Variants in ARIH2 observed in about 807,000 individuals in gnomAD.
ARIH2 encodes the protein E3 ubiquitin-protein ligase ARIH2.
ARIH2 carries 12 observed loss-of-function variants against 79.8 expected under a neutral mutation model. The observed-to-expected ratio is 0.15, with a 90% confidence interval of 0.10 to 0.24. ARIH2 has a LOEUF of 0.24. Ranked by LOEUF, ARIH2 falls within the 10% of genes least tolerant of loss-of-function variation. The pLI is 1.00. For missense variants in ARIH2, 301 were observed against 618.3 expected, an observed-to-expected ratio of 0.49 and a Z score of 5.44; for synonymous variants, 224 against 213.9, an observed-to-expected ratio of 1.05 and a Z score of -0.41.
chr3:48,919,286 T>G, intron 1 of ARIH2: 1 of 1,075,958 alleles, frequency 9.3e-7, no homozygotes, highest in Non-Finnish European at 1.2e-6. Context: ...TCTCCCTGTC[T>G]GGCGCGGCGG....
At chr3:48,931,192 A>G (rs541147273) in intron 3 of ARIH2, among the ~76,000 whole-genome samples, 2 of 152,248 alleles carry the variant, frequency 1.3e-5, no homozygotes, top group East Asian at 3.9e-4. Flanking sequence ...GTTCCAAGCT[A>G]TCCTCCCATC....
Position 48,961,672 on chromosome 3 carries a change from T to C in ARIH2, c.316T>C (p.Leu106=), listed in dbSNP as rs778339677. 4 of 1,605,822 alleles carry C rather than the reference T, an allele frequency of 2.5e-6. No individual in the cohort carries two copies. The South Asian group carries it at 4.4e-5, about 18-fold the overall frequency. Residue 106 remains leucine (L), a synonymous_variant, in exon 4 of 16, where the codon TTG becomes CTG. Coordinates refer to ENST00000356401, the MANE Select transcript of ARIH2 (RefSeq NM_006321.4). ...VNFHWQVSEI[L]DRYKSNSAQL... ...TTTCCACTGGCAAGTTTCAGAGATA[T>C]TGGACAGGTAAGGTATTTGGGGGAG... is the stretch of plus-strand genomic sequence containing the variant.
chr3:48,940,413 G>T (rs1185984285), intron 3 of ARIH2, among the ~76,000 whole-genome samples: 1 of 151,974 alleles, frequency 6.6e-6, no homozygotes, highest in Non-Finnish European at 1.5e-5. Context: ...GCACAAGTGA[G>T]CCAAGTCTGG....
At chr3:48,939,004 G>A (rs1003665829) in intron 3 of ARIH2, among the ~76,000 whole-genome samples, 3 of 148,670 alleles carry the variant, frequency 2.0e-5, no homozygotes, top group Admixed American at 1.4e-4. Flanking sequence ...AGTGTTGCTC[G>A]TCCCCCAGGC....
intron 4 of ARIH2, among the ~76,000 whole-genome samples, chr3:48,962,039 A>G (rs575925962): frequency 1.4e-4 from 21 of 152,280 alleles, no homozygotes; most frequent in African/African-American, 5.1e-4. Context: ...GGATACGTCA[A>G]CTTGAGGATT....
intron 3 of ARIH2, among the ~76,000 whole-genome samples, chr3:48,933,426 G>A (rs918660309): frequency 1.3e-5 from 2 of 151,832 alleles, no homozygotes; most frequent in Non-Finnish European, 2.9e-5. Flanking sequence ...GCCTCCCAAA[G>A]TGCTGGGGTT....
At chr3:48,964,869 A>G (rs763784275) in intron 4 of ARIH2, 50 bp from the exon 5 acceptor site, 1 of 1,476,970 alleles carries the variant, frequency 6.8e-7, no homozygotes, top group Non-Finnish European at 9.5e-7. Flanking sequence ...TTCAGGGGTA[A>G]AAATGTCTTT....
intron 3 of ARIH2, among the ~76,000 whole-genome samples, chr3:48,930,423 A>G (rs1203129174): frequency 6.6e-6 from 1 of 152,160 alleles, no homozygotes; most frequent in African/African-American, 2.4e-5. Context: ...CGGAGGTTGC[A>G]GTGAGCTGAG....
At chr3:48,958,895 G>A (rs1461117718) in intron 3 of ARIH2, among the ~76,000 whole-genome samples, 2 of 151,822 alleles carry the variant, frequency 1.3e-5, no homozygotes, top group African/African-American at 4.8e-5. Flanking sequence ...TGCACCTGTA[G>A]TCCCAGCTAC....
At chr3:48,926,311 A>G (rs1025409187) in intron 2 of ARIH2, among the ~76,000 whole-genome samples, 2 of 151,788 alleles carry the variant, frequency 1.3e-5, no homozygotes, top group Non-Finnish European at 2.9e-5. Context: ...TTTATTGCCC[A>G]GGCTGGAGTG....
chr3:48,948,290 C>G (rs1447452307), intron 3 of ARIH2, among the ~76,000 whole-genome samples: 1 of 148,312 alleles, frequency 6.7e-6, no homozygotes, highest in Non-Finnish European at 1.5e-5. Context: ...TTTTTTGAGA[C>G]GGAGTTTTGC....
chr3:48,961,543 TC>T, intron 3 of ARIH2, 68 bp from the exon 4 acceptor site: 1 of 979,836 alleles, frequency 1.0e-6, no homozygotes, highest in Non-Finnish European at 1.6e-6. Flanking sequence ...TGTATACAGT[TC>T]TCAAAATGCG....
At chr3:48,927,884 G>A (rs541639375) in intron 3 of ARIH2, 71 bp downstream of exon 3, 5 of 1,558,006 alleles carry the variant, frequency 3.2e-6, no homozygotes, top group Middle Eastern at 1.7e-4. Flanking sequence ...GTTAATTAAT[G>A]TCTCCTCCAG....
At chr3:48,970,249 A>G (rs1025398396) in intron 7 of ARIH2, among the ~76,000 whole-genome samples, 8 of 152,052 alleles carry the variant, frequency 5.3e-5, no homozygotes, top group African/African-American at 1.9e-4. Context: ...GCTGGAATGC[A>G]TCGGTGCAAT....
intron 8 of ARIH2, among the ~76,000 whole-genome samples, chr3:48,973,136 T>G (rs545660599): frequency 6.6e-6 from 1 of 152,222 alleles, no homozygotes. Context: ...CCTTGAGAGA[T>G]AACTTTACCT....
intron 5 of ARIH2, 82 bp from the exon 6 acceptor site, chr3:48,967,043 C>T: frequency 6.9e-7 from 1 of 1,453,620 alleles, no homozygotes; most frequent in East Asian, 2.3e-5. Context: ...GATCACTTTC[C>T]ATGCACCCGG....
rs1350498801 is a variant in ARIH2, at chr3:48,983,323, G to C, written c.*53G>C. On this transcript the variant is annotated 3_prime_UTR_variant, in exon 16 of 16. Transcript: ENST00000356401. ...GAAGATGTGGCTGCAAGGTCTCCCG[G>C]CTGCCATACTGCATGCTGCAGGCTC... The C allele has an allele frequency of 4.9e-5, 78 of 1,581,496 alleles. No individual in the cohort carries two copies. Among genetic ancestry groups the C allele is most frequent in the African/African-American group, 1.3e-5 (1 of 74,370 alleles).
At chr3:48,926,563 C>T (rs955297143) in intron 2 of ARIH2, among the ~76,000 whole-genome samples, 18 of 151,174 alleles carry the variant, frequency 1.2e-4, no homozygotes, top group Admixed American at 1.3e-4. Flanking sequence ...AGCCACCGCA[C>T]CCGGCCAATG....
intron 3 of ARIH2, among the ~76,000 whole-genome samples, chr3:48,939,772 A>G (rs1423247711): frequency 2.1e-5 from 3 of 145,982 alleles, no homozygotes; most frequent in African/African-American, 8.1e-5. Flanking sequence ...AAAAAAAAAA[A>G]AAAACAAAAA....
Sources: allele counts gnomAD v4.1 joint callset (sites outside exome capture counted in the v4.1 genomes callset), GRCh38; gene constraint gnomAD v4.1.1; transcripts MANE v1.5; gene names NCBI Gene and HGNC (gene_info 2026-07-23, HGNC 2026-07-21).